LAMA5: variants seen among roughly 807,000 people sequenced by gnomAD.
LAMA5 encodes the protein laminin subunit alpha 5, also known as laminin subunit alpha-5.
In LAMA5, 260 loss-of-function variants were observed where a neutral mutation model predicts 433.4. The observed-to-expected ratio is 0.60, with a 90% confidence interval of 0.54 to 0.66. LAMA5 has a LOEUF of 0.66. Among genes scored for constraint, LAMA5 ranks in the 30% least tolerant of loss-of-function variants. The probability of loss-of-function intolerance (pLI) is 0.00; values close to 1 mark genes in which losing one functional copy is unlikely to be tolerated. For missense variants in LAMA5, 5,378 were observed against 5,258.5 expected (o/e 1.02, Z -0.70); for synonymous variants, 2,620 against 2,226.6 (o/e 1.18, Z -4.97).
At position 62,329,911 on chromosome 20, in the gene LAMA5, C is replaced by T. The variant is rs772823363; in HGVS notation, c.3985G>A (p.Ala1329Thr). Residue 1329 changes from alanine to threonine, a missense_variant, in exon 32 of 80, where the codon GCC becomes ACC. Ala to Thr is a moderately conservative substitution (Grantham distance 58, BLOSUM62 0). Coordinates refer to ENST00000252999, the MANE Select transcript of LAMA5 (RefSeq NM_005560.6). ...CCATGTGGACAGAAGCTGGCGTTGG[C>T]GTGGCCTGGGCGGGGGAGAAAGGCA... ...INAGRVWQGH[A>T]NASFCPHGYG... is the part of the protein sequence containing the mutation. 6.0e-5 allele frequency: 97 copies of T among 1,610,938 alleles called. No homozygotes were observed. Among genetic ancestry groups the T allele is most frequent in the Admixed American group, 2.8e-4 (17 of 59,926 alleles).
At chr20:62,349,373 C>T (rs1983850606) in intron 6 of LAMA5, among the ~76,000 whole-genome samples, 1 of 150,258 alleles carries the variant, frequency 6.7e-6, no homozygotes, top group African/African-American at 2.5e-5. Context: ...GCAAAAAGAC[C>T]ATAAAAAGTC....
At chr20:62,321,870 T>C in intron 48 of LAMA5, 149 bp downstream of exon 48, 6 of 773,342 alleles carry the variant, frequency 7.8e-6, no homozygotes, top group Admixed American at 3.7e-5. Context: ...CTCAGCGTGG[T>C]TGGAGTTGGA....
In LAMA5 at chr20:62,323,574, G is replaced by A. The variant is rs141875758; in HGVS notation, c.5946C>T (p.Ser1982=). ...SGNGDPNLLF[S]DCDPLTGACR... ...AGGCGCCCGTCAGGGGGTCGCAGTC[G>A]CTGAAGAGCAAGTTGGGGTCACCGT... is the stretch of plus-strand genomic sequence containing the variant. Residue 1982 remains serine, a synonymous_variant, in exon 45 of 80, where the codon AGC becomes AGT. Coordinates refer to ENST00000252999, the MANE Select transcript of LAMA5 (RefSeq NM_005560.6). The A allele has an allele frequency of 2.9e-4, 462 of 1,607,226 alleles. 1 individual carries two copies. The African/African-American group carries it at 4.1e-3, about 14-fold the overall frequency.
chr20:62,309,138 ATGGG>A lies in LAMA5; in HGVS notation c.*194_*197del. Reference sequence around the variant, plus strand: ...GGTGACAAATCTCTCACAATTAAAAATGGGTGGAAGGGCCAAATATAAAAACATT... The same window carrying A: ...GGTGACAAATCTCTCACAATTAAAAATGGAAGGGCCAAATATAAAAACATT... On this transcript the variant is annotated 3_prime_UTR_variant, in exon 80 of 80. Coordinates refer to ENST00000252999, the MANE Select transcript of LAMA5 (RefSeq NM_005560.6). The A allele has an allele frequency of 3.1e-6, 2 of 636,556 alleles. No individual in the cohort carries two copies. The highest frequency in any genetic ancestry group is 2.6e-6 in the Non-Finnish European group (1 of 388,518). The allele number at this position is 636,556 out of a possible 1,614,324, so 39.4% of individuals were successfully genotyped here. A position where few individuals can be genotyped will look rare whatever the true frequency, so the allele number is the denominator to read the frequency against.
In LAMA5 at chr20:62,333,377, G is replaced by A; in HGVS notation, c.3126C>T (p.Asp1042=). 6.2e-7 allele frequency: 1 copy of A among 1,612,040 alleles called. No individual in the cohort carries two copies. Among genetic ancestry groups the A allele is most frequent in the Non-Finnish European group, 8.5e-7 (1 of 1,179,780 alleles). ...CCCACCGCACGCATGGCCCTCACTT[G>A]TCGCCAGACTGCTGGGCAGAGGGAC... is the stretch of plus-strand genomic sequence containing the variant. ...TYRPSAQQSG[D]NCLLYTHLPL... The change falls in exon 25 of 80, where the codon GAC becomes GAT. Residue 1042 remains aspartate, a splice_region_variant and synonymous_variant. Transcript: ENST00000252999.
intron 51 of LAMA5, 67 bp from the exon 52 acceptor site, chr20:62,319,080 C>G: frequency 7.0e-7 from 1 of 1,422,042 alleles, no homozygotes. Flanking sequence ...TGCTGGCTTC[C>G]AAGCCCAAGA....
intron 45 of LAMA5, 130 bp downstream of exon 45, chr20:62,323,326 G>A (rs988074526): frequency 1.2e-5 from 9 of 775,446 alleles, no homozygotes; most frequent in African/African-American, 7.0e-5. Flanking sequence ...AACCCAGAAG[G>A]CTGGCTCCGA....
chr20:62,322,743 G>T lies in LAMA5; in HGVS notation c.6080C>A (p.Pro2027Gln). 3 of 1,516,642 alleles carry T rather than the reference G, an allele frequency of 2.0e-6. No individual in the cohort carries two copies. Among genetic ancestry groups the T allele is most frequent in the Non-Finnish European group, 1.8e-6 (2 of 1,133,584 alleles). 93.9% of individuals were successfully genotyped at this position (1,516,642 alleles called of 1,614,324 possible). Residue 2027 changes from proline (P) to glutamine (Q), a missense_variant, in exon 46 of 80, where the codon CCA becomes CAA. Transcript: ENST00000252999. ...GGGGTCGCAGGCCTCTGTCCCACAT[G>T]GGGTACAGTCGCACCCTGCAGAAGG... ...PGNCTRCDCTPCGTEACDPHS... is the reference protein window; with the variant it reads ...PGNCTRCDCTQCGTEACDPHS...
chr20:62,337,644 C>G lies in LAMA5; in HGVS notation c.2110G>C (p.Gly704Arg), dbSNP rs564123337. ...GQCSCRPRVT[G>R]LRCDTCVPGA... ...GGCACACATGTGTCACACCGCAGCC[C>G]CGTCACACGGGGCCGGCAGCTGCAC... Residue 704 changes from glycine (G) to arginine (R), a missense_variant, in exon 16 of 80, where the codon GGG (glycine) becomes CGG (arginine). Physicochemically the swap from Gly to Arg is moderately radical, Grantham distance 125 (BLOSUM62 -2). Coordinates refer to ENST00000252999, the MANE Select transcript of LAMA5 (RefSeq NM_005560.6). The G allele has an allele frequency of 6.2e-7, 1 of 1,612,326 alleles. No individual in the cohort carries two copies. Among genetic ancestry groups the G allele is most frequent in the African/African-American group, 1.3e-5 (1 of 75,068 alleles).
chr20:62,313,870 G>A, intron 62 of LAMA5, 68 bp from the exon 63 acceptor site: 1 of 1,287,524 alleles, frequency 7.8e-7, no homozygotes, highest in Admixed American at 2.2e-5. Context: ...GGCACGGAGA[G>A]ATGAGGGGTG....
Position 62,367,165 on chromosome 20 carries a change from C to A in LAMA5, c.81G>T (p.Leu27=). The A allele has an allele frequency of 1.6e-6, 2 of 1,249,070 alleles. No individual in the cohort carries two copies. The highest frequency in any genetic ancestry group is 3.1e-5 in the South Asian group (1 of 32,340). 77.4% of individuals were successfully genotyped at this position (1,249,070 alleles called of 1,614,324 possible). A position where few individuals can be genotyped will look rare whatever the true frequency, so the allele number is the denominator to read the frequency against. ...RGPAPLLLVG[L]ALLGAARARE... ...GCGCCCGCGCCGCGCCCAGCAGCGC[C>A]AGCCCGACCAGCAGCAGCGGCGCGG... is the stretch of plus-strand genomic sequence containing the variant. The change falls in exon 1 of 80, where the codon CTG becomes CTT. Residue 27 remains leucine, a synonymous_variant. Transcript: ENST00000252999.
chr20:62,348,462 C>T (rs6121545), intron 6 of LAMA5, among the ~76,000 whole-genome samples: 71,106 of 151,798 alleles, frequency 0.47, 20,420 homozygotes, highest in East Asian at 0.75. Context: ...AAAAAATTAG[C>T]CGGGTGTGGT....
intron 6 of LAMA5, among the ~76,000 whole-genome samples, 186 bp from the exon 7 acceptor site, chr20:62,347,214 T>C (rs1009333781): frequency 6.6e-6 from 1 of 152,120 alleles, no homozygotes; most frequent in African/African-American, 2.4e-5. Flanking sequence ...TCCCCGAGCC[T>C]GTGGCTCTGA....
chr20:62,312,870 T>G lies in LAMA5; in HGVS notation c.9078+18A>C. The G allele has an allele frequency of 6.3e-7, 1 of 1,598,686 alleles. No individual in the cohort carries two copies. The highest frequency in any genetic ancestry group is 8.5e-7 in the Non-Finnish European group (1 of 1,172,450). On this transcript the variant is annotated intron_variant, in intron 66 of 79. Coordinates refer to ENST00000252999, the MANE Select transcript of LAMA5 (RefSeq NM_005560.6). ...CCATCTCCTCTCCCTGCCACCCTGG[T>G]CCCCACCCTGGCCCTACCGCCTTGC...
rs1004921737 is a variant in LAMA5 at position 62,346,529 on chromosome 20, A to T, written c.1259T>A (p.Leu420His). ...ACGGCGGCAGACGTGGGGCGAGTCG[A>T]GAGGGTGGTTGGGAGAGCGGTAGAA... ...PGFYRSPNHP[L>H]DSPHVCRRCN... Residue 420 changes from leucine (L) to histidine (H), a missense_variant, in exon 9 of 80, where the codon CTC becomes CAC. Physicochemically the swap from Leu to His is moderately conservative, Grantham distance 99 (BLOSUM62 -3). Transcript: ENST00000252999. The T allele has an allele frequency of 2.2e-5, 34 of 1,553,328 alleles. No homozygotes were observed. Among genetic ancestry groups the T allele is most frequent in the Non-Finnish European group, 3.0e-5 (34 of 1,148,344 alleles).
chr20:62,310,218 C>G lies in LAMA5; in HGVS notation c.10694G>C (p.Arg3565Pro). ...TGLIFHLGQA[R>P]TPPYLQLQVT... is the part of the protein sequence containing the mutation. Reference sequence around the variant, plus strand: ...CTGCAACTGCAAGTAGGGGGGCGTCCGGGCCTGGCCCAAGTGGAAGATCAG... The same window carrying G: ...CTGCAACTGCAAGTAGGGGGGCGTCGGGGCCTGGCCCAAGTGGAAGATCAG... Residue 3565 changes from arginine to proline, a missense_variant, in exon 77 of 80, where the codon CGG (arginine) becomes CCG (proline). By Grantham distance (103) the Arg-to-Pro change is moderately radical. Coordinates refer to ENST00000252999, the MANE Select transcript of LAMA5 (RefSeq NM_005560.6). 1 of 1,612,586 alleles carries G rather than the reference C, an allele frequency of 6.2e-7. No homozygotes were observed. Among genetic ancestry groups the G allele is most frequent in the South Asian group, 1.1e-5 (1 of 91,076 alleles).
Position 62,330,518 on chromosome 20 carries a change from C to T in LAMA5, c.3949G>A (p.Val1317Ile). 3 of 1,571,264 alleles carry T rather than the reference C, an allele frequency of 1.9e-6. No individual in the cohort carries two copies. The highest frequency in any genetic ancestry group is 2.6e-6 in the Non-Finnish European group (3 of 1,158,688). Residue 1317 changes from valine to isoleucine, a missense_variant, in exon 31 of 80, where the codon GTC (valine) becomes ATC (isoleucine). By Grantham distance (29) the Val-to-Ile change is conservative. Coordinates refer to ENST00000252999, the MANE Select transcript of LAMA5 (RefSeq NM_005560.6). ...QPAHPTFPVE[V>I]LINAGRVWQG... ...CACACGCGGCCGGCGTTGATGAGGACTTCCACGGGGAAGGTGGGGTGGGCT... is the reference window on the plus strand; with the variant it reads ...CACACGCGGCCGGCGTTGATGAGGATTTCCACGGGGAAGGTGGGGTGGGCT...
At chr20:62,333,298 G>A in intron 25 of LAMA5, 55 bp from the exon 26 acceptor site, 5 of 1,595,228 alleles carry the variant, frequency 3.1e-6, no homozygotes, top group Non-Finnish European at 3.4e-6. Flanking sequence ...CCCAGAGACA[G>A]CCTGAGTGGG....
chr20:62,353,215 T>C lies in LAMA5; in HGVS notation c.487A>G (p.Asn163Asp), dbSNP rs753428801. Residue 163 changes from asparagine (N) to aspartate (D), a missense_variant, in exon 3 of 80, where the codon AAC becomes GAC. By Grantham distance (23) the Asn-to-Asp change is conservative (BLOSUM62 1). Coordinates refer to ENST00000252999, the MANE Select transcript of LAMA5 (RefSeq NM_005560.6). ...HVAYVLIKFA[N>D]SPRPDLWVLE... ...ACCCAGAGGTCCGGCCGGGGTGAGTTGGCAAACTTGATGAGGACGTAGGCC... is the reference window on the plus strand; with the variant it reads ...ACCCAGAGGTCCGGCCGGGGTGAGTCGGCAAACTTGATGAGGACGTAGGCC... The C allele has an allele frequency of 1.3e-6, 2 of 1,593,746 alleles. No homozygotes were observed. Among genetic ancestry groups the C allele is most frequent in the East Asian group, 2.3e-5 (1 of 43,900 alleles).
Sources: gnomAD v4.1 joint callset for allele counts (sites outside exome capture counted in the v4.1 genomes callset) on GRCh38, gnomAD v4.1.1 for gene constraint, MANE v1.5 for transcripts, NCBI Gene and HGNC (gene_info 2026-07-23, HGNC 2026-07-21) for gene names.